NADK2: variants seen among roughly 807,000 people sequenced by gnomAD.
NADK2 encodes NAD kinase 2, mitochondrial, also known as NAD kinase domain-containing protein 1, mitochondrial.
A neutral mutation model predicts 62.1 loss-of-function variants in NADK2; 35 were observed. That is an observed-to-expected ratio of 0.56 (90% CI 0.43 to 0.75). NADK2 has a LOEUF of 0.75. Among genes scored for constraint, NADK2 ranks in the 30% least tolerant of loss-of-function variants. The pLI, the probability that NADK2 is intolerant of heterozygous loss-of-function variation, is 0.00. For synonymous variants in NADK2, 205 were observed against 207.9 expected, an observed-to-expected ratio of 0.99 and a Z score of 0.12; for missense variants, 439 against 561.3, an observed-to-expected ratio of 0.78 and a Z score of 2.20.
intron 5 of NADK2, among the ~76,000 whole-genome samples, chr5:36,218,513 T>C (rs1372246149): frequency 3.9e-5 from 6 of 152,196 alleles, no homozygotes; most frequent in African/African-American, 1.4e-4. Flanking sequence ...TTGGTAGCTA[T>C]AAATTAGCCA....
rs1436709757 is a variant in NADK2, at chr5:36,241,036, G to T, written c.300+463C>A. 6.6e-6 allele frequency among the ~76,000 whole-genome samples: 1 copy of T among 152,194 alleles called. No individual in the cohort carries two copies. Among genetic ancestry groups the T allele is most frequent in the African/African-American group, 2.4e-5 (1 of 41,456 alleles). ...TTGTTTCGGCCCTTTTCCCCCGGCA[G>T]CCCTCAGCGGCGCCCTGGGCCCCCT... On this transcript the variant is annotated intron_variant, in intron 1 of 11. Coordinates refer to ENST00000381937, the MANE Select transcript of NADK2 (RefSeq NM_001085411.3). This position sits in a 1 kb window ranked among gnomAD's most constrained non-coding sequence, Gnocchi z 4.9.
At chr5:36,200,423 TAA>T (rs911430276) in intron 9 of NADK2, 143 bp from the exon 10 acceptor site, 5 of 371,592 alleles carry the variant, frequency 1.3e-5, no homozygotes, top group African/African-American at 2.1e-5. Flanking sequence ...ATAGCTAATA[TAA>T]AACAACATGT....
chr5:36,197,252 A>G (rs1746263309), intron 11 of NADK2, among the ~76,000 whole-genome samples: 1 of 152,072 alleles, frequency 6.6e-6, no homozygotes, highest in Admixed American at 6.6e-5. Flanking sequence ...TTTTACAATT[A>G]TTGTGTCTTC....
intron 6 of NADK2, among the ~76,000 whole-genome samples, chr5:36,217,360 A>G (rs758716357): frequency 1.3e-5 from 2 of 152,192 alleles, no homozygotes; most frequent in Non-Finnish European, 2.9e-5. Context: ...AAAATTTCCC[A>G]ATAAATATAT....
chr5:36,198,777 T>A (rs1746328757), intron 10 of NADK2, among the ~76,000 whole-genome samples: 1 of 151,834 alleles, frequency 6.6e-6, no homozygotes, highest in South Asian at 2.1e-4. Context: ...TGAACCATGA[T>A]TAAAATAATC....
intron 1 of NADK2, among the ~76,000 whole-genome samples, chr5:36,231,108 G>A (rs915688883): frequency 6.6e-6 from 1 of 152,126 alleles, no homozygotes; most frequent in African/African-American, 2.4e-5. Flanking sequence ...TGTAAGCCCT[G>A]TAAATGCTAG....
chr5:36,210,637 A>G (rs1414671463), intron 7 of NADK2, among the ~76,000 whole-genome samples: 1 of 152,204 alleles, frequency 6.6e-6, no homozygotes, highest in Non-Finnish European at 1.5e-5. Context: ...ATGAATGACA[A>G]AACAGGATGG....
intron 7 of NADK2, among the ~76,000 whole-genome samples, chr5:36,207,874 T>C (rs1308695145): frequency 6.6e-6 from 1 of 152,146 alleles, no homozygotes; most frequent in African/African-American, 2.4e-5. Context: ...TTTACATTTC[T>C]TAAAATATTT....
rs985922007 is a variant in NADK2, at chr5:36,194,481, T to C, written c.*663A>G. 1 of 152,186 alleles carries C rather than the reference T, an allele frequency of 6.6e-6. No homozygotes were observed. Among genetic ancestry groups the C allele is most frequent in the African/African-American group, 2.4e-5 (1 of 41,454 alleles). The allele number at this position is 152,186 out of a possible 1,614,324, so 9.4% of individuals were successfully genotyped here. ...TTTGTAACAGCATCATGATTTGTTT[T>C]GCTATCTGTATTTCACCCAGAACTG... On this transcript the variant is annotated 3_prime_UTR_variant, in exon 12 of 12. Coordinates refer to ENST00000381937, the MANE Select transcript of NADK2 (RefSeq NM_001085411.3).
At chr5:36,208,880 T>TA (rs367579995) in intron 7 of NADK2, among the ~76,000 whole-genome samples, 22 of 152,240 alleles carry the variant, frequency 1.4e-4, no homozygotes, top group African/African-American at 5.3e-4. Flanking sequence ...GGGTTTATGT[T>TA]ACAGTTCTGA....
chr5:36,194,813 ACAGTT>A lies in NADK2; in HGVS notation c.*326_*330del, dbSNP rs1299782893. On this transcript the variant is annotated 3_prime_UTR_variant, in exon 12 of 12. Transcript: ENST00000381937. Reference sequence around the variant, plus strand: ...GGAAAGGGAAGGAAAACACACTTATACAGTTAAGTTTCAAATCCTAAATATTTAGT... The same window carrying A: ...GGAAAGGGAAGGAAAACACACTTATAAAGTTTCAAATCCTAAATATTTAGT... 1 of 181,526 alleles carries A rather than the reference ACAGTT, an allele frequency of 5.5e-6. No individual in the cohort carries two copies. Among genetic ancestry groups the A allele is most frequent in the African/African-American group, 2.4e-5 (1 of 42,430 alleles). The allele number at this position is 181,526 out of a possible 1,614,324, so 11.2% of individuals were successfully genotyped here. A position where few individuals can be genotyped will look rare whatever the true frequency, so the allele number is the denominator to read the frequency against.
intron 9 of NADK2, 137 bp downstream of exon 9, chr5:36,200,969 T>C (rs942202475): frequency 6.0e-6 from 4 of 666,510 alleles, no homozygotes; most frequent in East Asian, 2.7e-5. Flanking sequence ...ATCAGTGATA[T>C]TGTGAAGAAA....
At chr5:36,238,073 C>G (rs562708257) in intron 1 of NADK2, among the ~76,000 whole-genome samples, 1 of 152,286 alleles carries the variant, frequency 6.6e-6, no homozygotes, top group East Asian at 1.9e-4. Flanking sequence ...TTAGAAAGCT[C>G]TGGCAGTACT....
chr5:36,197,527 T>C lies in NADK2; in HGVS notation c.1190+14A>G, dbSNP rs938817141. ...GGGATGAAAACAGTCAGAAGTCAGA[T>C]TGAGGATGCTTACTTTGAGGAGAAA... On this transcript the variant is annotated intron_variant, in intron 11 of 11. Coordinates refer to ENST00000381937, the MANE Select transcript of NADK2 (RefSeq NM_001085411.3). The C allele has an allele frequency of 3.7e-6, 6 of 1,612,108 alleles. No individual in the cohort carries two copies. The highest frequency in any genetic ancestry group is 1.3e-5 in the African/African-American group (1 of 74,938).
At chr5:36,238,778 G>T (rs1748000662) in intron 1 of NADK2, among the ~76,000 whole-genome samples, 1 of 152,144 alleles carries the variant, frequency 6.6e-6, no homozygotes, top group African/African-American at 2.4e-5. Context: ...TAAGTCACTG[G>T]TCAATCAATG....
At chr5:36,226,347 A>G (rs904464932) in intron 3 of NADK2, 128 bp downstream of exon 3, 2 of 641,858 alleles carry the variant, frequency 3.1e-6, no homozygotes, top group Middle Eastern at 2.5e-4. Context: ...CTTGATCGTA[A>G]CAATCCAAAA....
chr5:36,225,030 A>G (rs1401060690), intron 4 of NADK2, among the ~76,000 whole-genome samples: 1 of 152,152 alleles, frequency 6.6e-6, no homozygotes, highest in African/African-American at 2.4e-5. Context: ...GCAATACCAA[A>G]GGTCCCCAAC....
intron 8 of NADK2, among the ~76,000 whole-genome samples, chr5:36,201,424 A>C (rs1340402653): frequency 1.3e-5 from 2 of 152,024 alleles, no homozygotes; most frequent in Non-Finnish European, 2.9e-5. Context: ...TCAATCTAGT[A>C]ATTTAACCTA....
At chr5:36,215,900 T>A (rs763001389) in intron 6 of NADK2, among the ~76,000 whole-genome samples, 17 of 152,168 alleles carry the variant, frequency 1.1e-4, no homozygotes, top group Admixed American at 5.9e-4. Context: ...GCATCAAACA[T>A]GAGGCGCCAG....
Sources: gnomAD v4.1 joint callset for allele counts (sites outside exome capture counted in the v4.1 genomes callset) on GRCh38, gnomAD v4.1.1 for gene constraint, Gnocchi (gnomAD v3.1) non-coding constraint, MANE v1.5 for transcripts, NCBI Gene and HGNC (gene_info 2026-07-23, HGNC 2026-07-21) for gene names.